Variants in NHS observed in about 807,000 individuals in gnomAD.
NHS encodes the protein actin remodeling regulator NHS.
NHS carries 5 observed loss-of-function variants against 72.5 expected under a neutral mutation model. The ratio of observed to expected loss-of-function variants is 0.07; its 90% CI spans 0.04 to 0.14. The LOEUF (loss-of-function observed/expected upper bound fraction) is 0.14. NHS is among the 10% of genes least tolerant of loss of function. The pLI, the probability that NHS is intolerant of heterozygous loss-of-function variation, is 1.00. For missense variants in NHS, 1,072 were observed against 1,355.7 expected, an observed-to-expected ratio of 0.79 and a Z score of 3.29; for synonymous variants, 464 against 547.7, an observed-to-expected ratio of 0.85 and a Z score of 2.13.
chrX:17,445,760 G>T (rs924665303), intron 1 of NHS, among the ~76,000 whole-genome samples: 4 of 102,725 alleles, frequency 3.9e-5, no homozygotes, highest in Non-Finnish European at 5.9e-5. Context: ...AAAAAAAGGG[G>T]GGGGGGACTC....
At chrX:17,425,961 G>A (rs1262777727) in intron 1 of NHS, 2 of 112,464 alleles carry the variant, frequency 1.8e-5, no homozygotes, top group Admixed American at 9.4e-5. Flanking sequence ...GTTTCAGTGA[G>A]TGAAACCTAG....
intron 1 of NHS, among the ~76,000 whole-genome samples, chrX:17,433,040 T>A (rs1469551742): frequency 1.8e-5 from 2 of 110,405 alleles, no homozygotes; most frequent in Non-Finnish European, 3.8e-5. Flanking sequence ...GCTCCCCCTT[T>A]TTTTTTTGAG....
Position 17,375,710 on chromosome X carries a change from A to C in NHS, c.-48A>C. 1 of 1,144,058 alleles carries C rather than the reference A, an allele frequency of 8.7e-7. No individual in the cohort carries two copies. The highest frequency in any genetic ancestry group is 1.8e-5 in the African/African-American group (1 of 56,154). The allele number at this position is 1,144,058 out of a possible 1,213,427, so 94.3% of individuals were successfully genotyped here. A position where few individuals can be genotyped will look rare whatever the true frequency, so the allele number is the denominator to read the frequency against. On this transcript the variant is annotated 5_prime_UTR_variant, in exon 1 of 9. Transcript: ENST00000676302. ...GGTGGGCGCGCCCGGTCTCCAGCTC[A>C]CAGGGGCGCTTGGAGGAGACCAGAA...
chrX:17,531,722 G>T (rs1401990962), intron 1 of NHS, among the ~76,000 whole-genome samples: 1 of 112,076 alleles, frequency 8.9e-6, no homozygotes, highest in South Asian at 3.7e-4. Flanking sequence ...CTGCAGCCAC[G>T]CTGGCCTATT....
chrX:17,466,967 A>G (rs1468314135), intron 1 of NHS, among the ~76,000 whole-genome samples: 1 of 111,767 alleles, frequency 8.9e-6, no homozygotes, highest in African/African-American at 3.3e-5. Context: ...ACAGAGGCCA[A>G]TGGACCCACA....
At chrX:17,683,680 G>C (rs983076223) in intron 1 of NHS, among the ~76,000 whole-genome samples, 1 of 111,805 alleles carries the variant, frequency 8.9e-6, no homozygotes, top group Non-Finnish European at 1.9e-5. Context: ...CTTCCCACAA[G>C]AGCTTGTAGT....
At chrX:17,590,590 A>G (rs2065598579) in intron 1 of NHS, among the ~76,000 whole-genome samples, 1 of 112,219 alleles carries the variant, frequency 8.9e-6, no homozygotes, top group Non-Finnish European at 1.9e-5. Context: ...AATGACTGGC[A>G]GTAAAATGCC....
At chrX:17,567,782 G>A (rs73443684) in intron 1 of NHS, among the ~76,000 whole-genome samples, 2,970 of 109,227 alleles carry the variant, frequency 0.027, 103 homozygotes, top group African/African-American at 0.092. Flanking sequence ...CAAGAAAGAG[G>A]AAGAGAAAAA....
At chrX:17,409,950 G>C (rs2064549556) in intron 1 of NHS, among the ~76,000 whole-genome samples, 1 of 111,715 alleles carries the variant, frequency 9.0e-6, no homozygotes, top group Admixed American at 9.5e-5. Context: ...TGTACTTAAT[G>C]CTTTTTTAGA....
intron 1 of NHS, among the ~76,000 whole-genome samples, chrX:17,421,000 C>T (rs936749442): frequency 9.1e-6 from 1 of 109,700 alleles, no homozygotes; most frequent in African/African-American, 3.3e-5. Flanking sequence ...ATGAAGGGGG[C>T]TACTAAAATG....
chrX:17,385,260 T>C (rs953549237), intron 1 of NHS, among the ~76,000 whole-genome samples: 14 of 112,007 alleles, frequency 1.2e-4, no homozygotes, highest in African/African-American at 4.2e-4. Flanking sequence ...TGCTAAAAAA[T>C]TGCTTAATTC....
chrX:17,537,605 G>A (rs904036741), intron 1 of NHS, among the ~76,000 whole-genome samples: 1 of 112,203 alleles, frequency 8.9e-6, no homozygotes, highest in Admixed American at 9.4e-5. Context: ...AAATGGAGGT[G>A]GCCTGTTGGC....
intron 1 of NHS, among the ~76,000 whole-genome samples, chrX:17,410,850 A>G (rs186544011): frequency 0.011 from 1,203 of 111,795 alleles, 15 homozygotes; most frequent in African/African-American, 0.037. Context: ...TTCTTGGGCT[A>G]TATCTTCCAA....
At chrX:17,561,579 CACA>C (rs2065415775) in intron 1 of NHS, among the ~76,000 whole-genome samples, 1 of 65,815 alleles carries the variant, frequency 1.5e-5, no homozygotes, top group Non-Finnish European at 3.1e-5. Flanking sequence ...CGCGCGCACA[CACA>C]CACACACACA....
intron 3 of NHS, among the ~76,000 whole-genome samples, chrX:17,714,379 G>C (rs765556804): frequency 1.8e-5 from 2 of 111,165 alleles, no homozygotes; most frequent in South Asian, 7.6e-4. Context: ...TTATTCTGGG[G>C]AAACCAAAGT....
chrX:17,668,138 A>G (rs1228470197), intron 1 of NHS, among the ~76,000 whole-genome samples: 1 of 108,629 alleles, frequency 9.2e-6, no homozygotes, highest in Non-Finnish European at 1.9e-5. Flanking sequence ...GCACACACCT[A>G]TAGTCCCAGC....
intron 1 of NHS, among the ~76,000 whole-genome samples, chrX:17,588,171 C>T (rs1045132754): frequency 9.0e-6 from 1 of 111,449 alleles, no homozygotes; most frequent in Non-Finnish European, 1.9e-5. Flanking sequence ...CAAAATAACA[C>T]GGTTCAAAAG....
At chrX:17,701,116 C>T (rs1188214591) in intron 3 of NHS, among the ~76,000 whole-genome samples, 1 of 111,917 alleles carries the variant, frequency 8.9e-6, no homozygotes, top group Non-Finnish European at 1.9e-5. Flanking sequence ...AGCCTAGGAG[C>T]AATAGGCTCT....
intron 1 of NHS, among the ~76,000 whole-genome samples, chrX:17,417,409 T>C (rs2064602226): frequency 8.9e-6 from 1 of 111,821 alleles, no homozygotes. Context: ...ATCTGAAAAA[T>C]TATTCTTTTC....
Sources: gnomAD v4.1 joint callset for allele counts (sites outside exome capture counted in the v4.1 genomes callset) on GRCh38, gnomAD v4.1.1 for gene constraint, MANE v1.5 for transcripts, NCBI Gene and HGNC (gene_info 2026-07-23, HGNC 2026-07-21) for gene names.